The following FNTB variants were observed in gnomAD, a reference collection of about 807,000 sequenced individuals.
FNTB encodes farnesyltransferase, CAAX box, subunit beta, also known as protein farnesyltransferase subunit beta.
In FNTB, 27 loss-of-function variants were observed where a neutral mutation model predicts 59.4. The observed-to-expected ratio is 0.45, with a 90% confidence interval of 0.34 to 0.63. The LOEUF (loss-of-function observed/expected upper bound fraction) is 0.63. Among genes scored for constraint, FNTB ranks in the 20% least tolerant of loss-of-function variants. The probability of loss-of-function intolerance (pLI) is 0.02; values close to 1 mark genes in which losing one functional copy is unlikely to be tolerated. For synonymous variants in FNTB, 230 were observed against 220.7 expected (o/e 1.04, Z -0.37); for missense variants, 449 against 559.6 (o/e 0.80, Z 1.99).
chr14:65,040,995 C>T, intron 8 of FNTB, 76 bp downstream of exon 8: 2 of 1,569,838 alleles, frequency 1.3e-6, no homozygotes, highest in Non-Finnish European at 8.7e-7. Context: ...ATGCAGGCTT[C>T]AGGAGAGTTT....
intron 4 of FNTB, among the ~76,000 whole-genome samples, chr14:65,020,287 A>G (rs2061860241): frequency 6.6e-6 from 1 of 152,186 alleles, no homozygotes; most frequent in South Asian, 2.1e-4. Context: ...TGTTTTCTTT[A>G]TTTTTGGTAG....
rs567638748 is a variant in FNTB, at chr14:65,053,152, T to A, written c.956-86T>A. The A allele has an allele frequency of 2.8e-6, 3 of 1,077,128 alleles. No individual in the cohort carries two copies. In the East Asian group the frequency reaches 9.6e-5, roughly 35 times the overall value. The allele number at this position is 1,077,128 out of a possible 1,614,324, so 66.7% of individuals were successfully genotyped here. On this transcript the variant is annotated intron_variant, in intron 9 of 11. Coordinates refer to ENST00000246166, the MANE Select transcript of FNTB (RefSeq NM_002028.4). Reference sequence around the variant, plus strand: ...AGGAAGGGGAGCAGGAAACCTTGACTATTCCCCCAGGTGAGAAAGTGGAAT... The same window carrying A: ...AGGAAGGGGAGCAGGAAACCTTGACAATTCCCCCAGGTGAGAAAGTGGAAT...
rs1190664126 is a variant in FNTB at position 65,007,708 on chromosome 14, T to C, written c.209+3395T>C. Among the ~76,000 whole-genome samples, 1 of 152,238 alleles carries C rather than the reference T, an allele frequency of 6.6e-6. No homozygotes were observed. Among genetic ancestry groups the C allele is most frequent in the Non-Finnish European group, 1.5e-5 (1 of 68,036 alleles). ...CTTTCCCATGAAAATTCATTTTTTCTTCCCTGTGGGTATTGTCACGGTTTC... is the reference window on the plus strand; with the variant it reads ...CTTTCCCATGAAAATTCATTTTTTCCTCCCTGTGGGTATTGTCACGGTTTC... On this transcript the variant is annotated intron_variant, in intron 2 of 11. Transcript: ENST00000246166. This position sits in a 1 kb window ranked among gnomAD's most constrained non-coding sequence, Gnocchi z 4.9.
At chr14:65,052,029 T>G (rs1345506340) in intron 9 of FNTB, among the ~76,000 whole-genome samples, 1 of 152,108 alleles carries the variant, frequency 6.6e-6, no homozygotes, top group Non-Finnish European at 1.5e-5. Flanking sequence ...TCTCCTGACC[T>G]CGTGATCAAC....
At chr14:65,010,741 GTTTT>G (rs2061669297) in intron 2 of FNTB, among the ~76,000 whole-genome samples, 1 of 152,052 alleles carries the variant, frequency 6.6e-6, no homozygotes, top group African/African-American at 2.4e-5. Flanking sequence ...CCAGATCCTT[GTTTT>G]TTTGTTTGTT....
intron 11 of FNTB, among the ~76,000 whole-genome samples, chr14:65,056,438 T>C (rs1752616170): frequency 6.6e-6 from 1 of 152,204 alleles, no homozygotes; most frequent in Admixed American, 6.5e-5. Context: ...CATATTGTCA[T>C]CTTTGATAGA....
rs930320385 is a variant in FNTB at position 65,044,859 on chromosome 14, C to G, written c.955+416C>G. 6.4e-6 allele frequency: 1 copy of G among 157,470 alleles called. No individual in the cohort carries two copies. Among genetic ancestry groups the G allele is most frequent in the Non-Finnish European group, 1.4e-5 (1 of 73,830 alleles). 9.8% of individuals were successfully genotyped at this position (157,470 alleles called of 1,614,324 possible). Reference sequence around the variant, plus strand: ...GCAACAGCAACAGGAAAGGCAACTGCGTAAAGGGGTAGAGAACCAGAACCC... The same window carrying G: ...GCAACAGCAACAGGAAAGGCAACTGGGTAAAGGGGTAGAGAACCAGAACCC... On this transcript the variant is annotated intron_variant, in intron 9 of 11. Coordinates refer to ENST00000246166, the MANE Select transcript of FNTB (RefSeq NM_002028.4). This position sits in a 1 kb window ranked among gnomAD's most constrained non-coding sequence, Gnocchi z 5.5.
chr14:65,061,603 A>G lies in FNTB; in HGVS notation c.*291A>G, dbSNP rs563508908. ...AGCAGTCCCTCCTCACCAGCTCTCC[A>G]GCCAGGACGATCACACAGAGATGAA... is the stretch of plus-strand genomic sequence containing the variant. On this transcript the variant is annotated 3_prime_UTR_variant, in exon 12 of 12. Transcript: ENST00000246166. 5.0e-5 allele frequency: 16 copies of G among 317,518 alleles called. No homozygotes were observed. Among genetic ancestry groups the G allele is most frequent in the Non-Finnish European group, 6.7e-5 (11 of 164,948 alleles). 19.7% of individuals were successfully genotyped at this position (317,518 alleles called of 1,614,324 possible).
chr14:65,029,403 G>A lies in FNTB; in HGVS notation c.605+1622G>A, dbSNP rs1404031757. Reference sequence around the variant, plus strand: ...GAGTTTGACATCTGGAGACTAGCTCGCTGCCCTTCTGGGATAGACAGCAGT... The same window carrying A: ...GAGTTTGACATCTGGAGACTAGCTCACTGCCCTTCTGGGATAGACAGCAGT... On this transcript the variant is annotated intron_variant, in intron 6 of 11. Transcript: ENST00000246166. This position sits in a 1 kb window ranked among gnomAD's most constrained non-coding sequence, Gnocchi z 4.7. Among the ~76,000 whole-genome samples the A allele has an allele frequency of 6.6e-6, 1 of 152,174 alleles. No individual in the cohort carries two copies. Among genetic ancestry groups the A allele is most frequent in the Non-Finnish European group, 1.5e-5 (1 of 68,036 alleles).
At chr14:64,992,700 C>T (rs979406042) in intron 1 of FNTB, among the ~76,000 whole-genome samples, 7 of 152,130 alleles carry the variant, frequency 4.6e-5, no homozygotes, top group Admixed American at 6.5e-5. Context: ...CTCACTGTAG[C>T]CTTGACCTCA....
intron 1 of FNTB, among the ~76,000 whole-genome samples, chr14:64,993,423 T>C (rs2140037700): frequency 6.6e-6 from 1 of 152,282 alleles, no homozygotes; most frequent in Admixed American, 6.5e-5. Flanking sequence ...TTAACTGAGG[T>C]TGTTTTAGGG....
intron 4 of FNTB, among the ~76,000 whole-genome samples, chr14:65,016,928 T>TG (rs2061785641): frequency 6.9e-6 from 1 of 145,748 alleles, no homozygotes; most frequent in Non-Finnish European, 1.5e-5. Flanking sequence ...TGGTTTTTTT[T>TG]TTTTTTTTTT....
chr14:64,998,260 TAA>T (rs1220889108), intron 1 of FNTB, among the ~76,000 whole-genome samples: 1 of 152,220 alleles, frequency 6.6e-6, no homozygotes, highest in Non-Finnish European at 1.5e-5. Flanking sequence ...ACCTTCAACC[TAA>T]ATTAACAGAC....
At chr14:65,034,320 CT>C (rs1400116666) in intron 7 of FNTB, among the ~76,000 whole-genome samples, 2 of 152,166 alleles carry the variant, frequency 1.3e-5, no homozygotes, top group Non-Finnish European at 2.9e-5. Flanking sequence ...CCCTGTCCTC[CT>C]TTTTCTTGGT....
chr14:65,027,656 G>A lies in FNTB; in HGVS notation c.522-42G>A, dbSNP rs370162681. On this transcript the variant is annotated intron_variant, in intron 5 of 11. Coordinates refer to ENST00000246166, the MANE Select transcript of FNTB (RefSeq NM_002028.4). This position sits in a 1 kb window ranked among gnomAD's most constrained non-coding sequence, Gnocchi z 5.7. ...AGAGGAGTTCCCCGCCTGCTGACAC[G>A]CACTGACTGTTGCCTCTCCTACCTC... 42 of 1,613,956 alleles carry A rather than the reference G, an allele frequency of 2.6e-5. No individual in the cohort carries two copies. The highest frequency in any genetic ancestry group is 6.7e-5 in the East Asian group (3 of 44,896).
Position 65,004,251 on chromosome 14 carries a change from A to G in FNTB, c.147A>G (p.Ala49=), listed in dbSNP as rs766215092. 6.2e-7 allele frequency: 1 copy of G among 1,613,722 alleles called. No individual in the cohort carries two copies. The change falls in exon 2 of 12, where the codon GCA becomes GCG. Residue 49 remains alanine, a splice_region_variant and synonymous_variant. Transcript: ENST00000246166. Reference sequence around the variant, plus strand: ...CCTATCTCCTGCATCCTTACCAGGCAAAAGTAGAAGAAAAGATCCAAGAGG... The same window carrying G: ...CCTATCTCCTGCATCCTTACCAGGCGAAAGTAGAAGAAAAGATCCAAGAGG... The part of the protein sequence containing the change: ...SVETVTSIEQ[A]KVEEKIQEVF...
chr14:65,032,730 G>T lies in FNTB; in HGVS notation c.692+34G>T. On this transcript the variant is annotated intron_variant, in intron 7 of 11. Transcript: ENST00000246166. This position sits in a 1 kb window ranked among gnomAD's most constrained non-coding sequence, Gnocchi z 5.0. Reference sequence around the variant, plus strand: ...AGCCAGGGTTTCTCCTGGCCTCTTGGAGAGCAGGCGGTCACGACACTACTT... The same window carrying T: ...AGCCAGGGTTTCTCCTGGCCTCTTGTAGAGCAGGCGGTCACGACACTACTT... 6.2e-7 allele frequency: 1 copy of T among 1,602,718 alleles called. No individual in the cohort carries two copies. Among genetic ancestry groups the T allele is most frequent in the South Asian group, 1.1e-5 (1 of 89,520 alleles).
rs1384663693 is a variant in FNTB, at chr14:65,012,663, T to C, written c.282+274T>C. On this transcript the variant is annotated intron_variant, in intron 3 of 11. Coordinates refer to ENST00000246166, the MANE Select transcript of FNTB (RefSeq NM_002028.4). The surrounding 1 kb of genome is among the most constrained non-coding windows in gnomAD (Gnocchi z 5.0). ...GACTAAGGGGTTCACGTGCTTTATC[T>C]AGACCTCCTTGACAGCTGGCTAAAT... Among the ~76,000 whole-genome samples, 1 of 152,240 alleles carries C rather than the reference T, an allele frequency of 6.6e-6. No individual in the cohort carries two copies. Among genetic ancestry groups the C allele is most frequent in the South Asian group, 2.1e-4 (1 of 4,838 alleles).
At chr14:65,048,183 A>G (rs747370251) in intron 9 of FNTB, among the ~76,000 whole-genome samples, 5 of 151,724 alleles carry the variant, frequency 3.3e-5, no homozygotes, top group Admixed American at 1.3e-4. Context: ...GGATATGACT[A>G]TGTTGGCCTG....
Sources: gnomAD v4.1 joint callset for allele counts (sites outside exome capture counted in the v4.1 genomes callset) on GRCh38, gnomAD v4.1.1 for gene constraint, Gnocchi (gnomAD v3.1) non-coding constraint, MANE v1.5 for transcripts, NCBI Gene and HGNC (gene_info 2026-07-23, HGNC 2026-07-21) for gene names.